The following B3GALT1 variants were observed in gnomAD, a reference collection of about 807,000 sequenced individuals.
B3GALT1 encodes the protein beta-1,3-galactosyltransferase 1.
In B3GALT1, 10 loss-of-function variants were observed where a neutral mutation model predicts 23.2. That is an observed-to-expected ratio of 0.43 (90% CI 0.27 to 0.73). The LOEUF (loss-of-function observed/expected upper bound fraction) is 0.73. B3GALT1 is among the 30% of genes least tolerant of loss of function. The pLI is 0.21. For synonymous variants in B3GALT1, 156 were observed against 141.5 expected (o/e 1.10, Z -0.73); for missense variants, 299 against 405.4 (o/e 0.74, Z 2.25).
chr2:167,599,969 A>T (rs1684845914), intron 2 of B3GALT1, among the ~76,000 whole-genome samples: 1 of 152,242 alleles, frequency 6.6e-6, no homozygotes, highest in African/African-American at 2.4e-5. Flanking sequence ...TCATATTTTT[A>T]TCTGTACTAG....
intron 1 of B3GALT1, among the ~76,000 whole-genome samples, chr2:167,454,774 T>G (rs892250951): frequency 1.5e-4 from 23 of 152,204 alleles, no homozygotes; most frequent in African/African-American, 5.3e-4. Flanking sequence ...GTTTTTACTG[T>G]AATACCACGT....
At chr2:167,448,694 G>A (rs984759565) in intron 1 of B3GALT1, among the ~76,000 whole-genome samples, 1 of 152,084 alleles carries the variant, frequency 6.6e-6, no homozygotes, top group Non-Finnish European at 1.5e-5. Flanking sequence ...GTCTAGAAGG[G>A]TTTTTCTGAT....
At chr2:167,560,921 C>T (rs1480340476) in intron 2 of B3GALT1, among the ~76,000 whole-genome samples, 1 of 151,600 alleles carries the variant, frequency 6.6e-6, no homozygotes, top group East Asian at 1.9e-4. Context: ...AACAAGGATA[C>T]CCAGGAATTG....
chr2:167,677,739 A>G (rs1686452253), intron 3 of B3GALT1, among the ~76,000 whole-genome samples: 1 of 152,070 alleles, frequency 6.6e-6, no homozygotes, highest in African/African-American at 2.4e-5. Context: ...TGCTATAAGG[A>G]CCTACCCAAG....
intron 1 of B3GALT1, among the ~76,000 whole-genome samples, chr2:167,364,106 G>T (rs1286939235): frequency 6.9e-6 from 1 of 144,342 alleles, no homozygotes; most frequent in Non-Finnish European, 1.5e-5. Flanking sequence ...GGAGGTTGCA[G>T]TGAGCTGAGA....
chr2:167,625,271 A>G (rs1186533908), intron 2 of B3GALT1, among the ~76,000 whole-genome samples: 6 of 151,978 alleles, frequency 3.9e-5, no homozygotes, highest in African/African-American at 1.2e-4. Flanking sequence ...ACAAAATGCC[A>G]TAGAAATAAA....
intron 2 of B3GALT1, among the ~76,000 whole-genome samples, chr2:167,566,568 T>A (rs201811403): frequency 0.017 from 809 of 48,498 alleles, 5 homozygotes; most frequent in African/African-American, 0.1. Context: ...AAAGACAAAA[T>A]AAAAAAGAAT....
intron 3 of B3GALT1, among the ~76,000 whole-genome samples, chr2:167,718,818 A>C (rs1179647254): frequency 2.0e-5 from 3 of 152,100 alleles, no homozygotes; most frequent in Non-Finnish European, 4.4e-5. Flanking sequence ...TCAGGGGAGA[A>C]AGGAGGGAGA....
intron 2 of B3GALT1, among the ~76,000 whole-genome samples, chr2:167,513,370 A>G (rs1196262243): frequency 1.3e-5 from 2 of 152,214 alleles, no homozygotes; most frequent in African/African-American, 4.8e-5. Context: ...GAAACAAAGG[A>G]AAGAAATAGA....
chr2:167,678,337 A>T (rs1686465189), intron 3 of B3GALT1, among the ~76,000 whole-genome samples: 1 of 152,214 alleles, frequency 6.6e-6, no homozygotes, highest in South Asian at 2.1e-4. Flanking sequence ...AAGTACTGAT[A>T]GTGTCCCCAT....
intron 2 of B3GALT1, among the ~76,000 whole-genome samples, chr2:167,538,677 A>G (rs1480550186): frequency 6.6e-6 from 1 of 152,212 alleles, no homozygotes; most frequent in Non-Finnish European, 1.5e-5. Context: ...TGCTCACCAA[A>G]ATGAAAAATT....
At chr2:167,808,534 A>T (rs530296202) in intron 3 of B3GALT1, among the ~76,000 whole-genome samples, 1 of 151,794 alleles carries the variant, frequency 6.6e-6, no homozygotes, top group Non-Finnish European at 1.5e-5. Flanking sequence ...ATTTCTTCTT[A>T]ACTTATGAAG....
intron 1 of B3GALT1, among the ~76,000 whole-genome samples, chr2:167,390,633 C>T (rs898618951): frequency 2.0e-5 from 3 of 152,158 alleles, no homozygotes; most frequent in East Asian, 1.9e-4. Context: ...CTGGACAAAA[C>T]GCAGGAATCT....
At chr2:167,441,875 T>A (rs1431121686) in intron 1 of B3GALT1, among the ~76,000 whole-genome samples, 2 of 146,402 alleles carry the variant, frequency 1.4e-5, no homozygotes, top group East Asian at 3.9e-4. Context: ...TTTTTTTTAA[T>A]TTAATTTATT....
At chr2:167,720,870 G>C (rs1053410075) in intron 3 of B3GALT1, among the ~76,000 whole-genome samples, 1 of 152,202 alleles carries the variant, frequency 6.6e-6, no homozygotes, top group Non-Finnish European at 1.5e-5. Flanking sequence ...TGAACACTGA[G>C]AGTGTAATAT....
chr2:167,447,932 G>T (rs1011653082), intron 1 of B3GALT1, among the ~76,000 whole-genome samples: 1 of 152,076 alleles, frequency 6.6e-6, no homozygotes, highest in African/African-American at 2.4e-5. Flanking sequence ...CCCATCTTCT[G>T]CGTCGCTCAT....
intron 4 of B3GALT1, among the ~76,000 whole-genome samples, chr2:167,842,074 A>G (rs552386089): frequency 6.6e-6 from 1 of 152,360 alleles, no homozygotes; most frequent in East Asian, 1.9e-4. Flanking sequence ...TGGGCTATAT[A>G]AAGACACATA....
Position 167,808,652 on chromosome 2 carries a change from C to T in B3GALT1, c.-351-10020C>T, listed in dbSNP as rs1029334266. On this transcript the variant is annotated intron_variant, in intron 3 of 4. Coordinates refer to ENST00000392690, the MANE Select transcript of B3GALT1 (RefSeq NM_020981.4). The stretch of plus-strand genomic sequence containing the variant: ...CTTGTAGAGTTTCTGCAGAGATATC[C>T]GCTGTTAGTCTGATGGGCTTCCCTT... Among the ~76,000 whole-genome samples, 18 of 151,618 alleles carry T rather than the reference C, an allele frequency of 1.2e-4. No homozygotes were observed. The East Asian group carries it at 2.5e-3, about 21-fold the overall frequency.
chr2:167,335,556 G>A (rs1169558939), intron 1 of B3GALT1, among the ~76,000 whole-genome samples: 2 of 152,170 alleles, frequency 1.3e-5, no homozygotes, highest in Non-Finnish European at 2.9e-5. Flanking sequence ...AGTTTCCGGG[G>A]AAGGGGGTGG....
Sources: allele counts gnomAD v4.1 joint callset (sites outside exome capture counted in the v4.1 genomes callset), GRCh38; gene constraint gnomAD v4.1.1; transcripts MANE v1.5; gene names NCBI Gene and HGNC (gene_info 2026-07-23, HGNC 2026-07-21).